The following PCDH17 variants were observed in gnomAD, a reference collection of about 807,000 sequenced individuals.
The protein encoded by PCDH17 is protocadherin-17.
Under a neutral mutation model 67.7 loss-of-function variants are expected in PCDH17, and 21 were observed. The ratio of observed to expected loss-of-function variants is 0.31; its 90% CI spans 0.22 to 0.45. The LOEUF (loss-of-function observed/expected upper bound fraction) is 0.45, where lower values mean the gene tolerates loss of function less well. Among genes scored for constraint, PCDH17 ranks in the 20% least tolerant of loss-of-function variants. The pLI is 1.00. For synonymous variants in PCDH17, 701 were observed against 656.7 expected, an observed-to-expected ratio of 1.07 and a Z score of -1.03; for missense variants, 1,471 against 1,564.8, an observed-to-expected ratio of 0.94 and a Z score of 1.01.
chr13:57,665,382 A>G (rs891006913), intron 1 of PCDH17, among the ~76,000 whole-genome samples: 1 of 152,070 alleles, frequency 6.6e-6, no homozygotes, highest in South Asian at 2.1e-4. Flanking sequence ...TGGGAAGAAG[A>G]AAAAAAGAAT....
chr13:57,690,536 A>G (rs1433084216), intron 3 of PCDH17, among the ~76,000 whole-genome samples: 2 of 151,578 alleles, frequency 1.3e-5, no homozygotes, highest in Non-Finnish European at 3.0e-5. Context: ...AGAAAACCTA[A>G]AATTATTGTC....
At chr13:57,652,821 T>A (rs542026405) in intron 1 of PCDH17, among the ~76,000 whole-genome samples, 100 of 152,324 alleles carry the variant, frequency 6.6e-4, no homozygotes, top group Non-Finnish European at 1.2e-3. Flanking sequence ...ATCTCATGAT[T>A]AGCATGCATT....
At chr13:57,704,834 T>C (rs767617066) in intron 3 of PCDH17, among the ~76,000 whole-genome samples, 3 of 152,246 alleles carry the variant, frequency 2.0e-5, no homozygotes, top group South Asian at 2.1e-4. Flanking sequence ...CTTTGAGGTA[T>C]GTTATGTAAC....
At chr13:57,715,768 C>G (rs537752672) in intron 3 of PCDH17, among the ~76,000 whole-genome samples, 3 of 151,686 alleles carry the variant, frequency 2.0e-5, no homozygotes, top group Non-Finnish European at 4.4e-5. Flanking sequence ...CTCTTTTGTT[C>G]CAGACTCTCC....
intron 3 of PCDH17, among the ~76,000 whole-genome samples, chr13:57,692,587 T>C (rs968806299): frequency 2.6e-5 from 4 of 151,316 alleles, no homozygotes; most frequent in African/African-American, 9.7e-5. Flanking sequence ...TATCCTTTTA[T>C]TGGAACACAC....
chr13:57,726,186 GT>G lies in PCDH17; in HGVS notation c.*896del, dbSNP rs1340345090. On this transcript the variant is annotated 3_prime_UTR_variant, in exon 4 of 4. Coordinates refer to ENST00000377918, the MANE Select transcript of PCDH17 (RefSeq NM_001040429.3). ...CAGAGAAAATTAACTTGATTAATATGTTTTATTCATTTGTGGACACTAAAAT... is the reference window on the plus strand; with the variant it reads ...CAGAGAAAATTAACTTGATTAATATGTTTATTCATTTGTGGACACTAAAAT... 1 of 152,618 alleles carries G rather than the reference GT, an allele frequency of 6.6e-6. No homozygotes were observed. The highest frequency in any genetic ancestry group is 6.5e-5 in the Admixed American group (1 of 15,274). 9.5% of individuals were successfully genotyped at this position (152,618 alleles called of 1,614,324 possible). A position where few individuals can be genotyped will look rare whatever the true frequency, so the allele number is the denominator to read the frequency against.
chr13:57,727,825 C>T lies in PCDH17; in HGVS notation c.*2531C>T, dbSNP rs900448432. The T allele has an allele frequency of 2.0e-5, 3 of 152,308 alleles. No homozygotes were observed. The allele number at this position is 152,308 out of a possible 1,614,324, so 9.4% of individuals were successfully genotyped here. Reference sequence around the variant, plus strand: ...TAGTCTTACCAAGTGTTGCTTCTCTCTTACTAGACAGATATCCACTTAGTA... The same window carrying T: ...TAGTCTTACCAAGTGTTGCTTCTCTTTTACTAGACAGATATCCACTTAGTA... On this transcript the variant is annotated 3_prime_UTR_variant, in exon 4 of 4. Transcript: ENST00000377918.
At chr13:57,705,622 A>C (rs997396924) in intron 3 of PCDH17, among the ~76,000 whole-genome samples, 4 of 152,170 alleles carry the variant, frequency 2.6e-5, no homozygotes, top group Admixed American at 6.5e-5. Context: ...ATTTTAAGTA[A>C]ATTTATCCCT....
chr13:57,635,187 G>GA, intron 1 of PCDH17, 76 bp downstream of exon 1: 1 of 1,435,630 alleles, frequency 7.0e-7, no homozygotes, highest in East Asian at 2.4e-5. Context: ...TTGGAACAGG[G>GA]CAAGCCACTC....
intron 3 of PCDH17, among the ~76,000 whole-genome samples, chr13:57,676,321 A>T (rs1408500312): frequency 6.6e-6 from 1 of 151,880 alleles, no homozygotes; most frequent in Non-Finnish European, 1.5e-5. Flanking sequence ...GTATCATAGG[A>T]TTGTGACTTC....
intron 3 of PCDH17, among the ~76,000 whole-genome samples, chr13:57,667,330 T>C (rs1268935785): frequency 6.6e-6 from 1 of 152,116 alleles, no homozygotes; most frequent in Non-Finnish European, 1.5e-5. Context: ...GAGTTTTGGC[T>C]TTCTTTTGAT....
Position 57,724,667 on chromosome 13 carries a change from C to T in PCDH17, c.2853C>T (p.Asp951=). 2 of 1,613,998 alleles carry T rather than the reference C, an allele frequency of 1.2e-6. No individual in the cohort carries two copies. Among genetic ancestry groups the T allele is most frequent in the Non-Finnish European group, 1.7e-6 (2 of 1,179,962 alleles). Residue 951 remains aspartate, a synonymous_variant, in exon 4 of 4, where the codon GAC becomes GAT. Coordinates refer to ENST00000377918, the MANE Select transcript of PCDH17 (RefSeq NM_001040429.3). ...TDECRVLGHS[D]RCWMPQFPAA... Reference sequence around the variant, plus strand: ...AATGCCGAGTGCTTGGTCATTCTGACAGGTGCTGGATGCCACAGTTCCCTG... The same window carrying T: ...AATGCCGAGTGCTTGGTCATTCTGATAGGTGCTGGATGCCACAGTTCCCTG...
At chr13:57,678,604 A>G (rs1018598351) in intron 3 of PCDH17, among the ~76,000 whole-genome samples, 2 of 151,676 alleles carry the variant, frequency 1.3e-5, no homozygotes, top group Middle Eastern at 3.2e-3. Context: ...GGTAAAGTCC[A>G]TTAATCTCTT....
chr13:57,718,118 G>C (rs1955838336), intron 3 of PCDH17, among the ~76,000 whole-genome samples: 1 of 152,036 alleles, frequency 6.6e-6, no homozygotes, highest in South Asian at 2.1e-4. Context: ...CTGTGCACAA[G>C]TGAGACACAT....
chr13:57,711,846 T>C (rs1955779640), intron 3 of PCDH17, among the ~76,000 whole-genome samples: 1 of 151,426 alleles, frequency 6.6e-6, no homozygotes, highest in African/African-American at 2.4e-5. Context: ...TTGTGTTTTA[T>C]AGGTAATAAA....
chr13:57,641,899 G>C (rs1456777889), intron 1 of PCDH17, among the ~76,000 whole-genome samples: 2 of 151,380 alleles, frequency 1.3e-5, no homozygotes, highest in African/African-American at 4.8e-5. Flanking sequence ...GATAAATACA[G>C]GTTGGATAAA....
chr13:57,689,456 G>A (rs1033711690), intron 3 of PCDH17, among the ~76,000 whole-genome samples: 21 of 151,876 alleles, frequency 1.4e-4, no homozygotes, highest in African/African-American at 2.4e-5. Flanking sequence ...ATAGAAAATG[G>A]GAAGGACACA....
At chr13:57,691,107 A>G (rs1955554474) in intron 3 of PCDH17, among the ~76,000 whole-genome samples, 2 of 151,532 alleles carry the variant, frequency 1.3e-5, no homozygotes, top group East Asian at 1.9e-4. Flanking sequence ...GTGACTACCA[A>G]TTCATTAGTC....
chr13:57,645,270 C>T (rs983690110), intron 1 of PCDH17, among the ~76,000 whole-genome samples: 10 of 151,576 alleles, frequency 6.6e-5, no homozygotes, highest in African/African-American at 1.9e-4. Context: ...AACCAGAAGC[C>T]GCATCCATCT....
Sources: allele counts gnomAD v4.1 joint callset (sites outside exome capture counted in the v4.1 genomes callset), GRCh38; gene constraint gnomAD v4.1.1; transcripts MANE v1.5; gene names NCBI Gene and HGNC (gene_info 2026-07-23, HGNC 2026-07-21).